Variants in RBM39 observed in about 807,000 individuals in gnomAD.
RBM39 encodes RNA-binding protein 39.
A neutral mutation model predicts 79.6 loss-of-function variants in RBM39; 12 were observed. The ratio of observed to expected loss-of-function variants is 0.15; its 90% CI spans 0.10 to 0.24. The LOEUF is 0.24. RBM39 is among the 10% of genes least tolerant of loss of function. RBM39 has a pLI of 1.00. For missense variants in RBM39, 243 were observed against 653.4 expected (o/e 0.37, Z 6.85); for synonymous variants, 185 against 208.4 (o/e 0.89, Z 0.97).
At chr20:35,717,079 G>A in intron 9 of RBM39, among the ~76,000 whole-genome samples, 1 of 151,910 alleles carries the variant, frequency 6.6e-6, no homozygotes, top group Admixed American at 6.6e-5. Context: ...CAGGAGTTTG[G>A]GACCAGCCTG....
chr20:35,736,583 G>A (rs1486131220), intron 3 of RBM39: 1 of 470,594 alleles, frequency 2.1e-6, no homozygotes, highest in African/African-American at 2.0e-5. Flanking sequence ...GAGGAAAAGA[G>A]CCAAAAAGAA....
chr20:35,705,413 T>G, intron 14 of RBM39, 83 bp from the exon 15 acceptor site: 2 of 775,596 alleles, frequency 2.6e-6, no homozygotes, highest in Non-Finnish European at 2.0e-6. Context: ...AATTTAAATA[T>G]TCTATGAATT....
chr20:35,718,521 A>G (rs984042650), intron 9 of RBM39, among the ~76,000 whole-genome samples: 2 of 151,950 alleles, frequency 1.3e-5, no homozygotes, highest in African/African-American at 4.8e-5. Context: ...ACTAAAACAC[A>G]AAAAAGTAGG....
chr20:35,726,122 A>C (rs2038657842), intron 6 of RBM39, among the ~76,000 whole-genome samples: 1 of 152,134 alleles, frequency 6.6e-6, no homozygotes, highest in Non-Finnish European at 1.5e-5. Context: ...ATCTCAAAAA[A>C]AGTAATTTTT....
rs922961762 is a variant in RBM39, at chr20:35,714,168, T to C, written c.1096+17A>G. 9 of 1,609,012 alleles carry C rather than the reference T, an allele frequency of 5.6e-6. No individual in the cohort carries two copies. The highest frequency in any genetic ancestry group is 1.1e-5 in the South Asian group (1 of 90,928). ...AATACCCACAGTAAATCATTCGTAATAGCAAGAAACACTTACCCTCTGCAA... is the reference window on the plus strand; with the variant it reads ...AATACCCACAGTAAATCATTCGTAACAGCAAGAAACACTTACCCTCTGCAA... On this transcript the variant is annotated intron_variant, in intron 11 of 16. Coordinates refer to ENST00000253363, the MANE Select transcript of RBM39 (RefSeq NM_184234.3).
rs555033579 is a variant in RBM39 at position 35,717,869 on chromosome 20, T to A, written c.826-1064A>T. Among the ~76,000 whole-genome samples, 8 of 152,096 alleles carry A rather than the reference T, an allele frequency of 5.3e-5. No individual in the cohort carries two copies. In the South Asian group the frequency reaches 1.7e-3, roughly 32 times the overall value. ...GTCTCAAACAAGAAAGGAACTTTTTTTTTTTTTGAGACGGAGTCTCGCTCT... is the reference window on the plus strand; with the variant it reads ...GTCTCAAACAAGAAAGGAACTTTTTATTTTTTTGAGACGGAGTCTCGCTCT... On this transcript the variant is annotated intron_variant, in intron 9 of 16. Transcript: ENST00000253363.
intron 8 of RBM39, among the ~76,000 whole-genome samples, chr20:35,723,884 T>A (rs1346982634): frequency 6.6e-6 from 1 of 152,112 alleles, no homozygotes; most frequent in African/African-American, 2.4e-5. Flanking sequence ...CTTAAAAAAA[T>A]TTAAAAATTA....
At chr20:35,721,167 A>G (rs1569025262) in intron 9 of RBM39, among the ~76,000 whole-genome samples, 1 of 152,058 alleles carries the variant, frequency 6.6e-6, no homozygotes, top group Non-Finnish European at 1.5e-5. Flanking sequence ...TCTTGATCTC[A>G]TAATCTGCCC....
intron 3 of RBM39, chr20:35,734,169 A>C (rs892703793): frequency 4.6e-6 from 6 of 1,290,324 alleles, no homozygotes; most frequent in Non-Finnish European, 6.1e-6. Context: ...TTGAAAATAG[A>C]AAATGAAGAC....
chr20:35,740,026 C>T (rs1358207651), intron 2 of RBM39: 2 of 158,222 alleles, frequency 1.3e-5, no homozygotes, highest in Admixed American at 6.2e-5. Flanking sequence ...CGAAATGAGT[C>T]AAAGACTATA....
chr20:35,729,720 C>A (rs929744627), intron 4 of RBM39, among the ~76,000 whole-genome samples, 193 bp from the exon 5 acceptor site: 8 of 151,978 alleles, frequency 5.3e-5, no homozygotes, highest in Non-Finnish European at 8.8e-5. Context: ...CATCCTGGAC[C>A]ACTGAGAGGT....
At chr20:35,726,279 G>A (rs747473561) in intron 6 of RBM39, among the ~76,000 whole-genome samples, 4 of 152,132 alleles carry the variant, frequency 2.6e-5, no homozygotes, top group Non-Finnish European at 4.4e-5. Context: ...CTACAGGTGT[G>A]TGCCACCATG....
intron 8 of RBM39, 29 bp from the exon 9 acceptor site, chr20:35,721,906 G>A (rs769896252): frequency 1.2e-6 from 2 of 1,606,914 alleles, no homozygotes; most frequent in South Asian, 2.2e-5. Context: ...GTCACACAGA[G>A]ATAACACACA....
At chr20:35,738,584 TC>T (rs1422910610) in intron 3 of RBM39, among the ~76,000 whole-genome samples, 1 of 152,214 alleles carries the variant, frequency 6.6e-6, no homozygotes, top group African/African-American at 2.4e-5. Context: ...AACAATACTT[TC>T]CATGGCCTAG....
intron 9 of RBM39, among the ~76,000 whole-genome samples, chr20:35,720,677 A>G (rs1356945760): frequency 6.6e-6 from 1 of 152,120 alleles, no homozygotes; most frequent in Non-Finnish European, 1.5e-5. Context: ...AGGCTAAAGC[A>G]AGAGAATCGC....
chr20:35,735,614 G>A (rs150918776), intron 3 of RBM39, among the ~76,000 whole-genome samples: 54 of 152,308 alleles, frequency 3.5e-4, no homozygotes, highest in Non-Finnish European at 2.2e-4. Context: ...TTAAAGCAGA[G>A]TGTTCTGTAT....
chr20:35,710,409 GTCT>G (rs780815345), intron 12 of RBM39: 26 of 152,210 alleles, frequency 1.7e-4, no homozygotes, highest in Admixed American at 2.6e-4. Flanking sequence ...AACAGAATTT[GTCT>G]TTTTTTTCCT....
At chr20:35,705,447 G>A in intron 14 of RBM39, 117 bp from the exon 15 acceptor site, 3 of 633,520 alleles carry the variant, frequency 4.7e-6, no homozygotes, top group Non-Finnish European at 7.8e-6. Context: ...TGGAAAAAAA[G>A]CACATTGACA....
At chr20:35,729,581 T>G in intron 4 of RBM39, 54 bp from the exon 5 acceptor site, 2 of 1,491,776 alleles carry the variant, frequency 1.3e-6, no homozygotes, top group Non-Finnish European at 1.9e-6. Context: ...CTTGCTAAGA[T>G]CGCATTCATG....
Sources: allele counts gnomAD v4.1 joint callset (sites outside exome capture counted in the v4.1 genomes callset), GRCh38; gene constraint gnomAD v4.1.1; transcripts MANE v1.5; gene names NCBI Gene and HGNC (gene_info 2026-07-23, HGNC 2026-07-21).